The following CAPS2 variants were observed in gnomAD, a reference collection of about 807,000 sequenced individuals.
CAPS2 encodes calcyphosin-2.
Under a neutral mutation model 86.5 loss-of-function variants are expected in CAPS2, and 98 were observed. The ratio of observed to expected loss-of-function variants is 1.13; its 90% CI spans 0.96 to 1.34. The LOEUF is 1.34. Ranked by LOEUF, CAPS2 falls within the 40% of genes most tolerant of loss-of-function variation. CAPS2 has a pLI of 0.00. For synonymous variants in CAPS2, 210 were observed against 225.1 expected (o/e 0.93, Z 0.60); for missense variants, 729 against 686.8 (o/e 1.06, Z -0.69).
At chr12:75,376,621 C>CA (rs1315456514) in intron 1 of CAPS2, among the ~76,000 whole-genome samples, 2 of 152,078 alleles carry the variant, frequency 1.3e-5, no homozygotes, top group Admixed American at 6.6e-5. Flanking sequence ...CCACCTCTGG[C>CA]AAAAAAGGCT....
At chr12:75,382,997 C>T (rs897594604) in intron 1 of CAPS2, among the ~76,000 whole-genome samples, 1 of 152,146 alleles carries the variant, frequency 6.6e-6, no homozygotes, top group Non-Finnish European at 1.5e-5. Flanking sequence ...TATAAAATAA[C>T]TTAAAACTGT....
At chr12:75,304,722 T>G in intron 8 of CAPS2, 35 bp downstream of exon 8, 1 of 1,445,066 alleles carries the variant, frequency 6.9e-7, no homozygotes, top group Non-Finnish European at 9.5e-7. Context: ...TAGAACATAG[T>G]GCATCCTCAT....
chr12:75,363,057 G>A, intron 1 of CAPS2: 1 of 1,018,292 alleles, frequency 9.8e-7, no homozygotes, highest in Non-Finnish European at 1.5e-6. Flanking sequence ...CAAAATTGGA[G>A]AAATTAACAG....
chr12:75,311,705 A>AC (rs2039213704), intron 7 of CAPS2, among the ~76,000 whole-genome samples: 1 of 13,486 alleles, frequency 7.4e-5, no homozygotes, highest in Non-Finnish European at 2.2e-4. Flanking sequence ...TGCAGGAAAA[A>AC]AAAAAACAAA....
At chr12:75,379,429 T>C (rs991116884) in intron 1 of CAPS2, among the ~76,000 whole-genome samples, 2 of 152,218 alleles carry the variant, frequency 1.3e-5, no homozygotes, top group Admixed American at 6.5e-5. Context: ...TTTTTATTTC[T>C]TGTGATCTTA....
chr12:75,302,306 A>G (rs2037916930), intron 8 of CAPS2, among the ~76,000 whole-genome samples: 1 of 152,238 alleles, frequency 6.6e-6, no homozygotes, highest in Non-Finnish European at 1.5e-5. Flanking sequence ...ACGCAATACT[A>G]ATTAAGATAG....
chr12:75,321,940 A>G (rs1398538537), intron 4 of CAPS2, among the ~76,000 whole-genome samples: 1 of 152,078 alleles, frequency 6.6e-6, no homozygotes, highest in Non-Finnish European at 1.5e-5. Context: ...TTTTTTCATA[A>G]TAGATAGAGC....
chr12:75,323,420 T>C (rs1249236455), intron 2 of CAPS2, among the ~76,000 whole-genome samples, 198 bp from the exon 4 acceptor site: 1 of 151,924 alleles, frequency 6.6e-6, no homozygotes, highest in Non-Finnish European at 1.5e-5. Context: ...TAAAAATACA[T>C]ATAAATTTAT....
At chr12:75,295,190 G>T (rs1312412096) in intron 11 of CAPS2, 3 of 152,084 alleles carry the variant, frequency 2.0e-5, no homozygotes, top group African/African-American at 7.2e-5. Flanking sequence ...ACTGAAAAAA[G>T]ATTTCTCAAT....
chr12:75,366,761 AC>A, intron 1 of CAPS2: 1 of 640,354 alleles, frequency 1.6e-6, no homozygotes, highest in Admixed American at 2.4e-5. Flanking sequence ...AGTCATTTCC[AC>A]GCTCTTATGT....
chr12:75,340,104 G>A (rs111891166), intron 1 of CAPS2, among the ~76,000 whole-genome samples: 46,104 of 150,664 alleles, frequency 0.31, 8,025 homozygotes, highest in East Asian at 0.45. Flanking sequence ...TGGCTGAGTC[G>A]TATTCCATTA....
At chr12:75,390,728 C>T (rs1233788369) in intron 1 of CAPS2, 14 of 471,026 alleles carry the variant, frequency 3.0e-5, no homozygotes, top group South Asian at 1.7e-4. Context: ...CAGCAATTGG[C>T]ATTTACCATA....
intron 11 of CAPS2, among the ~76,000 whole-genome samples, chr12:75,296,973 T>G (rs1337540958): frequency 6.6e-6 from 1 of 152,260 alleles, no homozygotes; most frequent in African/African-American, 2.4e-5. Context: ...TGATATCCCC[T>G]TCAAAATGTC....
intron 1 of CAPS2, among the ~76,000 whole-genome samples, chr12:75,337,438 GGATA>G (rs564734718): frequency 3.6e-4 from 54 of 151,898 alleles, no homozygotes; most frequent in Admixed American, 9.8e-4. Flanking sequence ...CACATTAAAT[GGATA>G]GATAGAGAAT....
intron 12 of CAPS2, 96 bp downstream of exon 12, chr12:75,293,153 A>G: frequency 1.3e-6 from 1 of 758,296 alleles, no homozygotes; most frequent in South Asian, 1.7e-5. Context: ...AACCTTAATG[A>G]AGTTATAAAT....
intron 1 of CAPS2, among the ~76,000 whole-genome samples, chr12:75,350,408 A>G (rs1044603506): frequency 1.3e-5 from 2 of 152,116 alleles, no homozygotes; most frequent in Non-Finnish European, 2.9e-5. Flanking sequence ...AGATCTCCCA[A>G]CAGGGGTCTC....
At chr12:75,305,643 A>G in intron 7 of CAPS2, 3 of 630,512 alleles carry the variant, frequency 4.8e-6, no homozygotes, top group Non-Finnish European at 9.0e-6. Context: ...GCCGCGGAGA[A>G]GGGCGGCGCC....
chr12:75,343,609 C>A, intron 1 of CAPS2: 29 of 1,051,894 alleles, frequency 2.8e-5, no homozygotes, highest in South Asian at 1.5e-4. Context: ...TAAATTTAAG[C>A]AAAACTTAGT....
intron 2 of CAPS2, among the ~76,000 whole-genome samples, chr12:75,324,023 G>C (rs1032750947): frequency 2.6e-5 from 4 of 152,164 alleles, no homozygotes; most frequent in African/African-American, 9.7e-5. Context: ...TTAACAAGTG[G>C]TGGAGAAAAT....
Sources: allele counts gnomAD v4.1 joint callset (sites outside exome capture counted in the v4.1 genomes callset), GRCh38; gene constraint gnomAD v4.1.1; transcripts MANE v1.5; gene names NCBI Gene and HGNC (gene_info 2026-07-23, HGNC 2026-07-21).